FHIT: variants seen among roughly 807,000 people sequenced by gnomAD.
The protein encoded by FHIT is bis(5'-adenosyl)-triphosphatase.
In FHIT, 19 loss-of-function variants were observed where a neutral mutation model predicts 17.9. The observed-to-expected ratio is 1.06, with a 90% CI of 0.74 to 1.56. FHIT has a LOEUF of 1.56. FHIT is among the 40% of genes most tolerant of loss of function. FHIT has a pLI of 0.00. For missense variants in FHIT, 248 were observed against 189.2 expected (o/e 1.31, Z -1.82); for synonymous variants, 81 against 69.7 (o/e 1.16, Z -0.81).
At chr3:59,985,915 G>C (rs932357439) in intron 7 of FHIT, among the ~76,000 whole-genome samples, 1 of 151,790 alleles carries the variant, frequency 6.6e-6, no homozygotes, top group East Asian at 1.9e-4. Flanking sequence ...ATAGAGCCTG[G>C]TCCCCTCAGT....
chr3:59,923,377 T>C (rs1705507788), intron 7 of FHIT, among the ~76,000 whole-genome samples: 1 of 152,146 alleles, frequency 6.6e-6, no homozygotes, highest in African/African-American at 2.4e-5. Context: ...CTTTGGCTCC[T>C]GTGTTTCATT....
At chr3:61,016,029 T>C (rs2032086255) in intron 3 of FHIT, among the ~76,000 whole-genome samples, 1 of 152,234 alleles carries the variant, frequency 6.6e-6, no homozygotes, top group East Asian at 1.9e-4. Flanking sequence ...TAGGCTACTC[T>C]CTTAGGCCTC....
chr3:60,841,483 C>G (rs189880195), intron 3 of FHIT, among the ~76,000 whole-genome samples: 4 of 152,138 alleles, frequency 2.6e-5, no homozygotes, highest in African/African-American at 7.2e-5. Context: ...AGAAAGAGAT[C>G]TTTTATCATG....
intron 2 of FHIT, among the ~76,000 whole-genome samples, chr3:61,121,374 A>G (rs2036452291): frequency 6.6e-6 from 1 of 152,242 alleles, no homozygotes; most frequent in Admixed American, 6.5e-5. Context: ...AGGGAAGCCC[A>G]TCAGACCAAC....
intron 3 of FHIT, among the ~76,000 whole-genome samples, chr3:60,901,671 T>A (rs1706121182): frequency 6.6e-6 from 1 of 152,254 alleles, no homozygotes; most frequent in Admixed American, 6.5e-5. Flanking sequence ...CTGATATCTT[T>A]GAAAGATTGT....
At position 59,747,635 on chromosome 3, in the gene FHIT, G is replaced by C. The variant is rs746420139; in HGVS notation, c.*1950C>G. Among the ~76,000 whole-genome samples, 1 of 152,126 alleles carries C rather than the reference G, an allele frequency of 6.6e-6. No individual in the cohort carries two copies. Among genetic ancestry groups the C allele is most frequent in the Admixed American group, 6.5e-5 (1 of 15,270 alleles). ...CTTATATAGGGCATCTCTGGATATA[G>C]GTGTTCACATTCTTCTTTGCAACCT... On this transcript the variant is annotated 3_prime_UTR_variant, in exon 10 of 10. Coordinates refer to ENST00000492590, the MANE Select transcript of FHIT (RefSeq NM_002012.4).
intron 3 of FHIT, among the ~76,000 whole-genome samples, chr3:61,022,246 G>A (rs939503859): frequency 6.6e-6 from 1 of 152,102 alleles, no homozygotes; most frequent in Non-Finnish European, 1.5e-5. Context: ...AAATATAGAA[G>A]AAATGGATAA....
At chr3:61,130,902 A>G (rs2036744153) in intron 2 of FHIT, among the ~76,000 whole-genome samples, 1 of 152,212 alleles carries the variant, frequency 6.6e-6, no homozygotes, top group Non-Finnish European at 1.5e-5. Context: ...CATGATTCTC[A>G]TTATTAAAAT....
rs186771964 is a variant in FHIT at position 60,941,860 on chromosome 3, T to C, written c.-111+100187A>G. 3.5e-3 allele frequency among the ~76,000 whole-genome samples: 526 copies of C among 152,350 alleles called. 6 individuals are homozygous for C. Among genetic ancestry groups the C allele is most frequent in the Non-Finnish European group, 2.1e-3 (144 of 68,020 alleles). ...CCTGGATAATTTCTACCCATTGAGATCAAAGCTTAAATATCACTTCTTCAA... is the reference window on the plus strand; with the variant it reads ...CCTGGATAATTTCTACCCATTGAGACCAAAGCTTAAATATCACTTCTTCAA... On this transcript the variant is annotated intron_variant, in intron 3 of 9. Transcript: ENST00000492590.
At chr3:60,556,461 G>T (rs1046170462) in intron 4 of FHIT, among the ~76,000 whole-genome samples, 3 of 152,128 alleles carry the variant, frequency 2.0e-5, no homozygotes, top group African/African-American at 4.8e-5. Context: ...CACCAATGAG[G>T]ACAAATGAGC....
chr3:60,480,156 G>A (rs916650697), intron 5 of FHIT, among the ~76,000 whole-genome samples: 6 of 152,136 alleles, frequency 3.9e-5, no homozygotes, highest in Admixed American at 2.6e-4. Flanking sequence ...TGGCAGGAGA[G>A]AAAGAGAGAG....
chr3:60,552,757 C>A (rs1408374757), intron 4 of FHIT, among the ~76,000 whole-genome samples: 1 of 152,198 alleles, frequency 6.6e-6, no homozygotes, highest in African/African-American at 2.4e-5. Flanking sequence ...ATGACATCTG[C>A]TTTGTAGCTG....
At chr3:61,107,897 G>A (rs1257173752) in intron 2 of FHIT, among the ~76,000 whole-genome samples, 2 of 152,196 alleles carry the variant, frequency 1.3e-5, no homozygotes, top group Non-Finnish European at 2.9e-5. Context: ...CAAACAGTTG[G>A]CTACATTTGA....
intron 4 of FHIT, among the ~76,000 whole-genome samples, chr3:60,688,594 G>A (rs1378965693): frequency 6.6e-6 from 1 of 151,862 alleles, no homozygotes; most frequent in Non-Finnish European, 1.5e-5. Flanking sequence ...ACAAGGCCAG[G>A]CTAATTTTTG....
intron 2 of FHIT, among the ~76,000 whole-genome samples, chr3:61,088,804 T>C (rs2035385582): frequency 6.6e-6 from 1 of 152,138 alleles, no homozygotes; most frequent in Non-Finnish European, 1.5e-5. Flanking sequence ...TGCATTCTAC[T>C]TGAACATTAT....
chr3:61,186,418 T>C (rs1413923761), intron 2 of FHIT, among the ~76,000 whole-genome samples: 2 of 152,192 alleles, frequency 1.3e-5, no homozygotes, highest in Non-Finnish European at 2.9e-5. Flanking sequence ...ACCATTCAGA[T>C]TCTTTCCCCC....
chr3:60,586,924 C>T (rs1264019660), intron 4 of FHIT, among the ~76,000 whole-genome samples: 1 of 151,950 alleles, frequency 6.6e-6, no homozygotes, highest in Non-Finnish European at 1.5e-5. Context: ...ATGAAATAAA[C>T]TGTACAATAA....
At chr3:61,065,727 A>C (rs2034582769) in intron 2 of FHIT, among the ~76,000 whole-genome samples, 1 of 151,448 alleles carries the variant, frequency 6.6e-6, no homozygotes, top group Non-Finnish European at 1.5e-5. Flanking sequence ...TTGAATGTGA[A>C]CCACTCTTTC....
chr3:61,137,495 C>G (rs1406702897), intron 2 of FHIT, among the ~76,000 whole-genome samples: 1 of 152,082 alleles, frequency 6.6e-6, no homozygotes, highest in Non-Finnish European at 1.5e-5. Flanking sequence ...AGCCCTGTCT[C>G]ACTATGCTGC....
Sources: gnomAD v4.1 joint callset for allele counts (sites outside exome capture counted in the v4.1 genomes callset) on GRCh38, gnomAD v4.1.1 for gene constraint, MANE v1.5 for transcripts, NCBI Gene and HGNC (gene_info 2026-07-23, HGNC 2026-07-21) for gene names.